CLASP1: variants seen among roughly 807,000 people sequenced by gnomAD.
CLASP1 encodes the protein cytoplasmic linker associated protein 1.
CLASP1 carries 38 observed loss-of-function variants against 192.3 expected under a neutral mutation model. The ratio of observed to expected loss-of-function variants is 0.20; its 90% confidence interval spans 0.15 to 0.26. The LOEUF is 0.26. CLASP1 is among the 10% of genes least tolerant of loss of function. The pLI is 1.00. For missense variants in CLASP1, 1,433 were observed against 1,932.5 expected (o/e 0.74, Z 4.85); for synonymous variants, 691 against 712.8 (o/e 0.97, Z 0.49).
At chr2:121,582,198 G>A (rs2061252406) in intron 2 of CLASP1, among the ~76,000 whole-genome samples, 1 of 149,884 alleles carries the variant, frequency 6.7e-6, no homozygotes, top group East Asian at 2.0e-4. Context: ...AAAAAGAAAG[G>A]AAGAAAAAAA....
At chr2:121,589,559 G>A (rs1327408635) in intron 2 of CLASP1, among the ~76,000 whole-genome samples, 4 of 151,750 alleles carry the variant, frequency 2.6e-5, no homozygotes, top group Non-Finnish European at 4.4e-5. Flanking sequence ...GAACCTAGGA[G>A]GCAGAGGTTG....
At chr2:121,403,635 T>G in intron 26 of CLASP1, 1 of 435,856 alleles carries the variant, frequency 2.3e-6, no homozygotes, top group Non-Finnish European at 4.6e-6. Context: ...TAATAGTCTC[T>G]AAGGGCCTTC....
At position 121,588,324 on chromosome 2, in the gene CLASP1, T is replaced by A. The variant is rs982612766; in HGVS notation, c.195+17377A>T. On this transcript the variant is annotated intron_variant, in intron 2 of 39. Transcript: ENST00000263710. ...AGCAGAATATAATCCCTTATACATA[T>A]CAATACCTAAAGAATTCAAACTTCA... 4.4e-4 allele frequency among the ~76,000 whole-genome samples: 67 copies of A among 152,096 alleles called. 1 individual carries two copies. The highest frequency in any genetic ancestry group is 2.4e-4 in the Non-Finnish European group (16 of 68,028).
At chr2:121,523,107 C>A (rs891813750) in intron 6 of CLASP1, among the ~76,000 whole-genome samples, 3 of 152,216 alleles carry the variant, frequency 2.0e-5, no homozygotes, top group African/African-American at 7.2e-5. Flanking sequence ...CAAGTGACCC[C>A]AAGGTCAGCT....
At chr2:121,420,757 T>C (rs550522198) in intron 22 of CLASP1, among the ~76,000 whole-genome samples, 33 of 152,376 alleles carry the variant, frequency 2.2e-4, no homozygotes, top group Admixed American at 2.0e-3. Flanking sequence ...ATTTTCTTAA[T>C]AGTTCTTGCC....
intron 1 of CLASP1, among the ~76,000 whole-genome samples, chr2:121,637,164 G>A (rs1269581349): frequency 1.3e-5 from 2 of 152,112 alleles, no homozygotes; most frequent in East Asian, 1.9e-4. Context: ...TAAAAGAAAG[G>A]AGGGGAATTC....
At position 121,478,687 on chromosome 2, in the gene CLASP1, C is replaced by CACACACACACCA. The variant is rs1559365749; in HGVS notation, c.713-8728_713-8727insTGGTGTGTGTGT. Among the ~76,000 whole-genome samples the CACACACACACCA allele has an allele frequency of 5.0e-4, 39 of 77,928 alleles. 1 individual carries two copies. The highest frequency in any genetic ancestry group is 1.8e-3 in the African/African-American group (37 of 20,866). The allele number at this position is 77,928 out of a possible 152,430, so 51.1% of individuals were successfully genotyped here. On this transcript the variant is annotated intron_variant, in intron 8 of 39. Coordinates refer to ENST00000263710, the Ensembl canonical transcript of CLASP1. ...CCCCCACACACACCACACACACACC[C>CACACACACACCA]CACACACACAACCACACCCCACACA... is the stretch of plus-strand genomic sequence containing the variant.
chr2:121,465,966 A>G (rs373473609), intron 9 of CLASP1, among the ~76,000 whole-genome samples: 2 of 152,238 alleles, frequency 1.3e-5, no homozygotes, highest in African/African-American at 4.8e-5. Flanking sequence ...CTGGCTAGCC[A>G]TATGTAGAAA....
intron 1 of CLASP1, among the ~76,000 whole-genome samples, chr2:121,631,112 T>C (rs2069514575): frequency 7.6e-6 from 1 of 131,460 alleles, no homozygotes; most frequent in South Asian, 2.3e-4. Context: ...TGAGCCGAGA[T>C]TGCGCCATTA....
chr2:121,406,901 A>T (rs1485690086), intron 25 of CLASP1, among the ~76,000 whole-genome samples: 1 of 152,080 alleles, frequency 6.6e-6, no homozygotes, highest in African/African-American at 2.4e-5. Context: ...TACATCTTTT[A>T]TCAGCTTAAT....
intron 7 of CLASP1, 113 bp downstream of exon 7, chr2:121,515,552 C>G: frequency 1.2e-6 from 1 of 819,248 alleles, no homozygotes; most frequent in South Asian, 1.6e-5. Flanking sequence ...ACCTTATATT[C>G]TTTGAATAAA....
At chr2:121,589,708 T>C (rs2062161686) in intron 2 of CLASP1, among the ~76,000 whole-genome samples, 1 of 151,858 alleles carries the variant, frequency 6.6e-6, no homozygotes, top group African/African-American at 2.4e-5. Flanking sequence ...TAAGATGAGC[T>C]GATATTTATT....
At chr2:121,588,917 G>A (rs559941564) in intron 2 of CLASP1, among the ~76,000 whole-genome samples, 7 of 152,128 alleles carry the variant, frequency 4.6e-5, no homozygotes, top group Admixed American at 2.6e-4. Context: ...ATGTCTCCCC[G>A]GCTACAATGC....
chr2:121,530,871 T>C (rs190164088), intron 2 of CLASP1: 5 of 678,920 alleles, frequency 7.4e-6, no homozygotes, highest in Non-Finnish European at 1.1e-5. Flanking sequence ...CCCAGGGACT[T>C]TCTATTATAA....
intron 8 of CLASP1, among the ~76,000 whole-genome samples, chr2:121,482,587 T>A (rs1433863531): frequency 1.3e-5 from 2 of 152,176 alleles, no homozygotes; most frequent in Non-Finnish European, 2.9e-5. Context: ...AGACTGGTAC[T>A]TTAATATCCA....
Position 121,589,096 on chromosome 2 carries a change from G to A in CLASP1, c.195+16605C>T, listed in dbSNP as rs114620877. Among the ~76,000 whole-genome samples the A allele has an allele frequency of 4.9e-3, 746 of 152,220 alleles. 7 individuals carry two copies. Among genetic ancestry groups the A allele is most frequent in the African/African-American group, 0.017 (722 of 41,534 alleles). On this transcript the variant is annotated intron_variant, in intron 2 of 39. Transcript: ENST00000263710. ...GGCCTGCATCCAAAAATGCAGCCAC[G>A]GGGCAGACAGAAACACAGTTCTCGC...
intron 1 of CLASP1, among the ~76,000 whole-genome samples, chr2:121,613,082 T>C (rs2065877629): frequency 6.6e-6 from 1 of 152,216 alleles, no homozygotes; most frequent in Non-Finnish European, 1.5e-5. Context: ...CAGGAAAAGT[T>C]TTCTCCTTTA....
chr2:121,466,065 A>G (rs551172697), intron 9 of CLASP1, among the ~76,000 whole-genome samples: 1 of 152,242 alleles, frequency 6.6e-6, no homozygotes, highest in African/African-American at 2.4e-5. Context: ...AAGTCTAGTA[A>G]TTTTCTAAGC....
rs150895039 is a variant in CLASP1 at position 121,376,422 on chromosome 2, A to G, written c.3642+1077T>C. Among the ~76,000 whole-genome samples the G allele has an allele frequency of 3.4e-4, 51 of 151,754 alleles. 1 individual carries two copies. In the East Asian group the frequency reaches 9.2e-3, roughly 27 times the overall value. ...ACATTAAGTGAAATAAATGAGGTAC[A>G]TTAAGACCGAAATCATATATTCTCA... On this transcript the variant is annotated intron_variant, in intron 34 of 39. Coordinates refer to ENST00000263710, the Ensembl canonical transcript of CLASP1.
Sources: allele counts gnomAD v4.1 joint callset (sites outside exome capture counted in the v4.1 genomes callset), GRCh38; gene constraint gnomAD v4.1.1; transcripts MANE v1.5; gene names NCBI Gene and HGNC (gene_info 2026-07-23, HGNC 2026-07-21).